Variants in NCOR2 observed in about 807,000 individuals in gnomAD.
NCOR2 encodes nuclear receptor corepressor 2.
A neutral mutation model predicts 262.9 loss-of-function variants in NCOR2; 81 were observed. The ratio of observed to expected loss-of-function variants is 0.31; its 90% CI spans 0.26 to 0.37. NCOR2 has a LOEUF of 0.37. Ranked by LOEUF, NCOR2 falls within the 10% of genes least tolerant of loss-of-function variation. The pLI is 1.00. For missense variants in NCOR2, 3,385 were observed against 3,621.4 expected (o/e 0.93, Z 1.68); for synonymous variants, 1,659 against 1,559.3 (o/e 1.06, Z -1.51).
chr12:124,332,277 C>A, intron 43 of NCOR2, 42 bp downstream of exon 45: 1 of 1,611,068 alleles, frequency 6.2e-7, no homozygotes, highest in Non-Finnish European at 8.5e-7. Context: ...CACCCGCCCA[C>A]CTGTGGCCCC....
upstream of NCOR2, chr12:124,495,268 G>A (rs529780231): frequency 1.0e-4 from 164 of 1,607,166 alleles, no homozygotes; most frequent in East Asian, 7.2e-4. The surrounding 1 kb of genome is among the most constrained non-coding windows in gnomAD (Gnocchi z 4.4). Flanking sequence ...GGGGGTCGGC[G>A]GGGAGCTGCT....
intron 4 of NCOR2, among the ~76,000 whole-genome samples, chr12:124,469,502 G>A (rs1464601572): frequency 6.6e-6 from 1 of 152,194 alleles, no homozygotes; most frequent in Admixed American, 6.5e-5. Flanking sequence ...GCTCCCTCCA[G>A]CCAGGGAAGG....
chr12:124,406,683 C>T (rs982903396), intron 13 of NCOR2, among the ~76,000 whole-genome samples: 3 of 152,124 alleles, frequency 2.0e-5, no homozygotes, highest in Non-Finnish European at 4.4e-5. Flanking sequence ...TCAGAAACAT[C>T]CCCCCAAACC....
At chr12:124,361,514 A>G (rs2038590808) in intron 22 of NCOR2, among the ~76,000 whole-genome samples, 1 of 152,224 alleles carries the variant, frequency 6.6e-6, no homozygotes, top group Admixed American at 6.5e-5. Context: ...ACGTGATGAC[A>G]GTGAGGTGTG....
intron 13 of NCOR2, among the ~76,000 whole-genome samples, chr12:124,410,762 G>A (rs116758896): frequency 0.013 from 1,981 of 152,246 alleles, 42 homozygotes; most frequent in African/African-American, 0.045. Context: ...ACCGCACAGC[G>A]GCTGCCCCTC....
At chr12:124,408,247 A>G (rs1044713853) in intron 13 of NCOR2, among the ~76,000 whole-genome samples, 1 of 152,130 alleles carries the variant, frequency 6.6e-6, no homozygotes, top group African/African-American at 2.4e-5. Flanking sequence ...CCAGCTACTC[A>G]GGAGGCTGAG....
intron 32 of NCOR2, among the ~76,000 whole-genome samples, chr12:124,343,689 C>T (rs543110812): frequency 1.3e-4 from 20 of 151,764 alleles, no homozygotes; most frequent in South Asian, 4.2e-4. Flanking sequence ...TGCAATGGCA[C>T]GATCTCCGTT....
intron 3 of NCOR2, among the ~76,000 whole-genome samples, chr12:124,479,874 G>A (rs1449526313): frequency 2.0e-5 from 3 of 152,312 alleles, no homozygotes; most frequent in South Asian, 2.1e-4. Context: ...GTTCCCCCAC[G>A]TCCAGCTCGC....
intron 1 of NCOR2, among the ~76,000 whole-genome samples, chr12:124,505,430 C>T (rs111516650): frequency 7.3e-5 from 11 of 151,698 alleles, no homozygotes; most frequent in Middle Eastern, 3.4e-3. Context: ...GGAGCAGGAG[C>T]TATGGAGGCT....
upstream of NCOR2, among the ~76,000 whole-genome samples, chr12:124,499,915 G>T (rs1421486790): frequency 6.6e-6 from 1 of 152,118 alleles, no homozygotes; most frequent in African/African-American, 2.4e-5. Context: ...GGGCAACAGC[G>T]ACAGAGAAGG....
At chr12:124,327,139 G>A (rs758611925) in intron 45 of NCOR2, among the ~76,000 whole-genome samples, 5 of 152,118 alleles carry the variant, frequency 3.3e-5, no homozygotes, top group African/African-American at 4.8e-5. Flanking sequence ...ACTGGGGGGC[G>A]GACAGCAGTG....
intron 1 of NCOR2, among the ~76,000 whole-genome samples, chr12:124,526,643 C>T (rs2137122661): frequency 6.6e-6 from 1 of 152,272 alleles, no homozygotes; most frequent in South Asian, 2.1e-4. Flanking sequence ...GGCAGCTGGT[C>T]TCCTCTCCCC....
chr12:124,379,138 G>C (rs1364260141), intron 17 of NCOR2, among the ~76,000 whole-genome samples: 1 of 103,412 alleles, frequency 9.7e-6, no homozygotes, highest in Non-Finnish European at 2.2e-5. Flanking sequence ...CCAGGCTCTG[G>C]ACGAGAGTGG....
intron 7 of NCOR2, among the ~76,000 whole-genome samples, chr12:124,442,051 T>C (rs1035132422): frequency 6.6e-6 from 1 of 152,236 alleles, no homozygotes; most frequent in African/African-American, 2.4e-5. Context: ...AAACAGACGT[T>C]GGCGGAGAGA....
rs1351908681 is a variant in NCOR2 at position 124,486,596 on chromosome 12, G to A, written c.106-28C>T. ...GCAGGAGGGGACAGAGGAGTGGTGA[G>A]CGTGGGCGGGCACGGGCATGGCGGG... On this transcript the variant is annotated intron_variant, in intron 1 of 46. Coordinates refer to ENST00000405201, the Ensembl canonical transcript of NCOR2. The A allele has an allele frequency of 7.8e-6, 12 of 1,545,826 alleles. 1 individual carries two copies. The highest frequency in any genetic ancestry group is 1.4e-5 in the African/African-American group (1 of 72,968).
chr12:124,552,129 G>A (rs189503751), intron 1 of NCOR2, among the ~76,000 whole-genome samples: 25 of 152,178 alleles, frequency 1.6e-4, no homozygotes, highest in Admixed American at 4.6e-4. Context: ...AGACCAGCCC[G>A]GGCAACATAA....
At chr12:124,332,548 G>A in intron 42 of NCOR2, 81 bp from the exon 45 acceptor site, 1 of 1,583,584 alleles carries the variant, frequency 6.3e-7, no homozygotes, top group South Asian at 1.1e-5. Context: ...CACCACCTGA[G>A]ATGCCTTAGA....
At position 124,330,958 on chromosome 12, in the gene NCOR2, C is replaced by A. The variant is rs12367963; in HGVS notation, c.6905-60G>T. 4.6e-6 allele frequency: 7 copies of A among 1,534,288 alleles called. No individual in the cohort carries two copies. The African/African-American group carries it at 5.5e-5, about 12-fold the overall frequency. ...GGTCTCTGGGAATTACCTGCCCTAC[C>A]AGTCCCGTGTGGTCCAGGCCAGGTG... is the stretch of plus-strand genomic sequence containing the variant. On this transcript the variant is annotated intron_variant, in intron 43 of 46. Coordinates refer to ENST00000405201, the Ensembl canonical transcript of NCOR2.
At chr12:124,402,166 G>A (rs2042018073) in intron 14 of NCOR2, among the ~76,000 whole-genome samples, 1 of 152,328 alleles carries the variant, frequency 6.6e-6, no homozygotes, top group East Asian at 1.9e-4. Flanking sequence ...AAAGTCTCCA[G>A]AGGGTTGGAG....
Sources: allele counts gnomAD v4.1 joint callset (sites outside exome capture counted in the v4.1 genomes callset), GRCh38; gene constraint gnomAD v4.1.1; non-coding constraint Gnocchi (gnomAD v3.1); transcripts MANE v1.5; gene names NCBI Gene and HGNC (gene_info 2026-07-23, HGNC 2026-07-21).